The following PTP4A3 variants were observed in gnomAD, a reference collection of about 807,000 sequenced individuals.
The protein encoded by PTP4A3 is protein tyrosine phosphatase type IVA 3.
Under a neutral mutation model 15.2 loss-of-function variants are expected in PTP4A3, and 9 were observed. That is an observed-to-expected ratio of 0.59 (90% CI 0.36 to 1.03). PTP4A3 has a LOEUF of 1.03. PTP4A3 is among the 50% of genes least tolerant of loss of function. The pLI is 0.02. For missense variants in PTP4A3, 234 were observed against 252.1 expected (o/e 0.93, Z 0.49); for synonymous variants, 95 against 102.0 (o/e 0.93, Z 0.41).
chr8:141,415,360 GC>G (rs1361438505), intron 1 of PTP4A3, among the ~76,000 whole-genome samples: 1 of 150,138 alleles, frequency 6.7e-6, no homozygotes, highest in Non-Finnish European at 1.5e-5. Flanking sequence ...TCCCCCTCCC[GC>G]CCCCTCCCGC....
At chr8:141,424,984 G>T in intron 2 of PTP4A3, 64 bp from the exon 3 acceptor site, 1 of 1,394,996 alleles carries the variant, frequency 7.2e-7, no homozygotes, top group African/African-American at 1.4e-5. Context: ...CTGGTGAGTG[G>T]GTCCTGCCCC....
At chr8:141,396,091 T>C (rs1175600776) in intron 1 of PTP4A3, among the ~76,000 whole-genome samples, 1 of 152,198 alleles carries the variant, frequency 6.6e-6, no homozygotes, top group Non-Finnish European at 1.5e-5. Context: ...TGTAACCCCG[T>C]GCCATGTGAA....
intron 1 of PTP4A3, among the ~76,000 whole-genome samples, chr8:141,399,626 A>C (rs1413261180): frequency 6.6e-6 from 1 of 152,234 alleles, no homozygotes; most frequent in Non-Finnish European, 1.5e-5. Flanking sequence ...GATGGGTGGG[A>C]TCAGGACAAA....
chr8:141,421,853 TA>T lies in PTP4A3; in HGVS notation c.-386del, dbSNP rs1424026745. On this transcript the variant is annotated 5_prime_UTR_variant, in exon 2 of 6. It removes the in-frame stop codon of an upstream open reading frame in the 5' UTR. Transcript: ENST00000521578. ...GGCGGCCGGGTTCACTTTGAGTTTT[TA>T]AGTTTTCTTTGCTGAGCTTTTTTGG... 5.2e-6 allele frequency: 1 copy of T among 191,670 alleles called. No individual in the cohort carries two copies. Among genetic ancestry groups the T allele is most frequent in the Non-Finnish European group, 1.1e-5 (1 of 94,506 alleles). The allele number at this position is 191,670 out of a possible 1,614,324, so 11.9% of individuals were successfully genotyped here.
intron 5 of PTP4A3, among the ~76,000 whole-genome samples, chr8:141,430,575 C>A (rs1274185325): frequency 6.6e-6 from 1 of 152,204 alleles, no homozygotes; most frequent in African/African-American, 2.4e-5. Context: ...CACAGGCCCC[C>A]CTTCCTGGAT....
Position 141,427,020 on chromosome 8 carries a change from G to C in PTP4A3, c.280G>C (p.Glu94Gln). 1 of 1,603,400 alleles carries C rather than the reference G, an allele frequency of 6.2e-7. No homozygotes were observed. The highest frequency in any genetic ancestry group is 8.5e-7 in the Non-Finnish European group (1 of 1,179,852). The change falls in exon 4 of 6, where the codon GAG becomes CAG. Residue 94 changes from glutamate to glutamine, a missense_variant. Transcript: ENST00000521578. ...GAGCCTGGTGAAGGCCAAGTTCTGT[G>C]AGGCCCCCGGCAGCTGCGTGGCTGT... ...WLSLVKAKFC[E>Q]APGSCVAVHC...
Position 141,406,993 on chromosome 8 carries a change from A to C in PTP4A3, c.-853-14395A>C, listed in dbSNP as rs1832746335. ...TCACCTTCTGGATTCTCTCCAGGGGAGGAGGTCAGGCCCTTGGGAGGTACC... is the reference window on the plus strand; with the variant it reads ...TCACCTTCTGGATTCTCTCCAGGGGCGGAGGTCAGGCCCTTGGGAGGTACC... On this transcript the variant is annotated intron_variant, in intron 1 of 5. Transcript: ENST00000521578. This position sits in a 1 kb window ranked among gnomAD's most constrained non-coding sequence, Gnocchi z 4.5. 6.6e-6 allele frequency among the ~76,000 whole-genome samples: 1 copy of C among 152,148 alleles called. No homozygotes were observed. Among genetic ancestry groups the C allele is most frequent in the South Asian group, 2.1e-4 (1 of 4,832 alleles).
At chr8:141,427,979 G>A (rs182463694) in intron 5 of PTP4A3, among the ~76,000 whole-genome samples, 155 bp downstream of exon 5, 7 of 152,252 alleles carry the variant, frequency 4.6e-5, no homozygotes, top group African/African-American at 1.4e-4. Context: ...GGGGAAGCCT[G>A]AGGTGTTTCT....
chr8:141,414,119 T>A (rs891335693), intron 1 of PTP4A3, among the ~76,000 whole-genome samples: 6 of 152,152 alleles, frequency 3.9e-5, no homozygotes, highest in African/African-American at 1.4e-4. Context: ...TGCAGGTCAG[T>A]GTGTGTGCTT....
At chr8:141,418,868 C>T (rs946295237) in intron 1 of PTP4A3, among the ~76,000 whole-genome samples, 8 of 152,092 alleles carry the variant, frequency 5.3e-5, no homozygotes, top group South Asian at 4.1e-4. Flanking sequence ...TCACTGGGGG[C>T]GTGTGGTTAT....
chr8:141,408,007 C>T (rs1432086079), intron 1 of PTP4A3, among the ~76,000 whole-genome samples: 1 of 152,186 alleles, frequency 6.6e-6, no homozygotes, highest in Non-Finnish European at 1.5e-5. Context: ...AGATTGCACA[C>T]TCCTGCAGTA....
chr8:141,423,692 G>A (rs2130204690), intron 2 of PTP4A3, among the ~76,000 whole-genome samples: 1 of 151,726 alleles, frequency 6.6e-6, no homozygotes, highest in South Asian at 2.1e-4. Context: ...GTGTGTGTCT[G>A]GGATCAGGGC....
At chr8:141,423,494 G>T (rs993626738) in intron 2 of PTP4A3, among the ~76,000 whole-genome samples, 2 of 151,926 alleles carry the variant, frequency 1.3e-5, no homozygotes, top group African/African-American at 4.8e-5. Context: ...GGTTCGGTGT[G>T]TGTCTGGGAT....
chr8:141,393,980 C>G (rs563593833), intron 1 of PTP4A3, among the ~76,000 whole-genome samples: 1 of 152,358 alleles, frequency 6.6e-6, no homozygotes, highest in South Asian at 2.1e-4. Flanking sequence ...TACTCCCAAG[C>G]TACACAGACG....
At chr8:141,402,650 G>A (rs1327461557) in intron 1 of PTP4A3, among the ~76,000 whole-genome samples, 3 of 152,110 alleles carry the variant, frequency 2.0e-5, no homozygotes, top group Non-Finnish European at 4.4e-5. Context: ...GGGAGGCTGA[G>A]GATTGGCCCT....
At position 141,406,037 on chromosome 8, in the gene PTP4A3, T is replaced by C. The variant is rs1832712622; in HGVS notation, c.-854+13953T>C. On this transcript the variant is annotated intron_variant, in intron 1 of 5. Transcript: ENST00000521578. This position sits in a 1 kb window ranked among gnomAD's most constrained non-coding sequence, Gnocchi z 4.5. ...CTTTAGGGCGATAAGGATTTTTGGCTTTCCTGAGTGACGCGGGCACCACTG... is the reference window on the plus strand; with the variant it reads ...CTTTAGGGCGATAAGGATTTTTGGCCTTCCTGAGTGACGCGGGCACCACTG... Among the ~76,000 whole-genome samples, 1 of 151,994 alleles carries C rather than the reference T, an allele frequency of 6.6e-6. No individual in the cohort carries two copies. Among genetic ancestry groups the C allele is most frequent in the Non-Finnish European group, 1.5e-5 (1 of 67,990 alleles).
chr8:141,393,859 G>C (rs1297773111), intron 1 of PTP4A3, among the ~76,000 whole-genome samples: 1 of 152,234 alleles, frequency 6.6e-6, no homozygotes, highest in Non-Finnish European at 1.5e-5. Context: ...TGGATGGCGA[G>C]GAGGTCTTGG....
Position 141,422,146 on chromosome 8 carries a change from T to A in PTP4A3, c.-95T>A. The A allele has an allele frequency of 8.6e-7, 1 of 1,164,256 alleles. No individual in the cohort carries two copies. Among genetic ancestry groups the A allele is most frequent in the Non-Finnish European group, 1.3e-6 (1 of 786,042 alleles). 72.1% of individuals were successfully genotyped at this position (1,164,256 alleles called of 1,614,324 possible). A position where few individuals can be genotyped will look rare whatever the true frequency, so the allele number is the denominator to read the frequency against. ...TTGGACAAGCACAGGGATCTCGTTC[T>A]CCTCATTTTTTGGGGGTGTGTGGGG... On this transcript the variant is annotated 5_prime_UTR_variant, in exon 2 of 6. Transcript: ENST00000521578.
In PTP4A3 at chr8:141,396,865, C is replaced by T. The variant is rs534617038; in HGVS notation, c.-854+4781C>T. Among the ~76,000 whole-genome samples, 348 of 152,248 alleles carry T rather than the reference C, an allele frequency of 2.3e-3. 1 individual carries two copies. The highest frequency in any genetic ancestry group is 4.1e-3 in the Non-Finnish European group (278 of 68,014). On this transcript the variant is annotated intron_variant, in intron 1 of 5. Transcript: ENST00000521578. ...ACGTGCGGGTCCTGAGTGCACTGAG[C>T]CCGCTGGGGTTCCAGACACAGTGGA... is the stretch of plus-strand genomic sequence containing the variant.
Sources: gnomAD v4.1 joint callset for allele counts (sites outside exome capture counted in the v4.1 genomes callset) on GRCh38, gnomAD v4.1.1 for gene constraint, Gnocchi (gnomAD v3.1) non-coding constraint, MANE v1.5 for transcripts, NCBI Gene and HGNC (gene_info 2026-07-23, HGNC 2026-07-21) for gene names.